CDH18: variants seen among roughly 807,000 people sequenced by gnomAD.
CDH18 encodes cadherin-18.
A neutral mutation model predicts 67.9 loss-of-function variants in CDH18; 31 were observed. The ratio of observed to expected loss-of-function variants is 0.46; its 90% CI spans 0.34 to 0.62. The LOEUF (loss-of-function observed/expected upper bound fraction) is 0.62. Among genes scored for constraint, CDH18 ranks in the 20% least tolerant of loss-of-function variants. The pLI, the probability that CDH18 is intolerant of heterozygous loss-of-function variation, is 0.01. For missense variants in CDH18, 890 were observed against 975.5 expected (o/e 0.91, Z 1.17); for synonymous variants, 362 against 347.2 (o/e 1.04, Z -0.48).
intron 2 of CDH18, among the ~76,000 whole-genome samples, chr5:20,248,349 C>T (rs1404097879): frequency 6.6e-6 from 1 of 152,200 alleles, no homozygotes; most frequent in Admixed American, 6.5e-5. Context: ...TAATCACATT[C>T]TTTCTCATAA....
intron 2 of CDH18, among the ~76,000 whole-genome samples, chr5:19,855,774 C>T (rs1371509187): frequency 6.6e-6 from 1 of 151,996 alleles, no homozygotes; most frequent in Non-Finnish European, 1.5e-5. Context: ...TTTAATGCCA[C>T]TAAAACAAAT....
At chr5:20,575,706 G>A (rs2126682431) in exon 1 of CDH18, 1 of 152,200 alleles carries the variant, frequency 6.6e-6, no homozygotes, top group East Asian at 1.9e-4. Context: ...AGCAGTCACA[G>A]TAGTGATGCT....
intron 5 of CDH18, among the ~76,000 whole-genome samples, chr5:19,702,776 C>T (rs1561090595): frequency 3.3e-5 from 5 of 152,036 alleles, no homozygotes; most frequent in Admixed American, 3.3e-4. Flanking sequence ...AACAAAATCT[C>T]TGCAGCACTG....
At chr5:19,570,155 C>T (rs940929241) in intron 8 of CDH18, among the ~76,000 whole-genome samples, 1 of 151,738 alleles carries the variant, frequency 6.6e-6, no homozygotes, top group African/African-American at 2.4e-5. Flanking sequence ...TGTTTGGGGT[C>T]AAAAGTATAA....
chr5:19,926,613 A>G (rs6880709), intron 2 of CDH18, among the ~76,000 whole-genome samples: 4,616 of 152,212 alleles, frequency 0.03, 238 homozygotes, highest in East Asian at 0.22. Context: ...CTTTCTAACT[A>G]AATAATGTAA....
At chr5:20,501,226 A>C (rs1249640434) in intron 1 of CDH18, among the ~76,000 whole-genome samples, 1 of 151,808 alleles carries the variant, frequency 6.6e-6, no homozygotes, top group Non-Finnish European at 1.5e-5. Flanking sequence ...TAAAATTATT[A>C]AATGTAAATA....
intron 1 of CDH18, among the ~76,000 whole-genome samples, chr5:20,295,644 T>C (rs1340618999): frequency 6.6e-6 from 1 of 151,652 alleles, no homozygotes; most frequent in Non-Finnish European, 1.5e-5. Flanking sequence ...GGAGAATCAC[T>C]TGAACCCAGG....
chr5:19,976,144 T>C (rs1383402316), intron 2 of CDH18, among the ~76,000 whole-genome samples: 5 of 152,184 alleles, frequency 3.3e-5, no homozygotes, highest in Admixed American at 3.3e-4. Flanking sequence ...ATTACCTGAG[T>C]GAGTGTTAAA....
At chr5:20,037,058 C>CTCT in intron 2 of CDH18, among the ~76,000 whole-genome samples, 1 of 152,096 alleles carries the variant, frequency 6.6e-6, no homozygotes, top group Middle Eastern at 3.4e-3. Context: ...TGGGTCTTGA[C>CTCT]TCTTTATCCA....
intron 2 of CDH18, among the ~76,000 whole-genome samples, chr5:20,172,210 A>G (rs1190126657): frequency 4.4e-5 from 3 of 67,470 alleles, no homozygotes; most frequent in African/African-American, 7.0e-5. Flanking sequence ...ATATATATAT[A>G]TATATATATA....
At chr5:20,079,466 A>T (rs1030552791) in intron 2 of CDH18, among the ~76,000 whole-genome samples, 3 of 152,104 alleles carry the variant, frequency 2.0e-5, no homozygotes, top group African/African-American at 7.2e-5. Context: ...ATATTGATGG[A>T]TACTTGGGTT....
At chr5:20,030,330 C>G (rs2150449842) in intron 2 of CDH18, among the ~76,000 whole-genome samples, 2 of 152,242 alleles carry the variant, frequency 1.3e-5, no homozygotes, top group Admixed American at 1.3e-4. Flanking sequence ...TAGCCTAAGG[C>G]TATGTTCATA....
At chr5:20,144,647 T>A (rs960852770) in intron 2 of CDH18, among the ~76,000 whole-genome samples, 8 of 152,088 alleles carry the variant, frequency 5.3e-5, no homozygotes, top group Non-Finnish European at 7.4e-5. Context: ...GTCTTGCATG[T>A]GAGAAGGGCA....
chr5:20,351,870 T>A (rs1741212496), intron 1 of CDH18, among the ~76,000 whole-genome samples: 1 of 152,132 alleles, frequency 6.6e-6, no homozygotes. Context: ...TATGTGGCAC[T>A]GCAAAAGTAT....
intron 2 of CDH18, among the ~76,000 whole-genome samples, chr5:20,153,914 A>G (rs962594932): frequency 1.2e-4 from 19 of 152,214 alleles, no homozygotes; most frequent in Non-Finnish European, 1.5e-5. Context: ...GGAGGAAACC[A>G]GTCCATAAAC....
chr5:20,016,698 G>A (rs927001323), intron 2 of CDH18, among the ~76,000 whole-genome samples: 1 of 152,104 alleles, frequency 6.6e-6, no homozygotes, highest in African/African-American at 2.4e-5. Context: ...GAACAATGCA[G>A]TATCTAACCT....
At chr5:19,909,175 A>C (rs1184030433) in intron 2 of CDH18, among the ~76,000 whole-genome samples, 3 of 152,206 alleles carry the variant, frequency 2.0e-5, no homozygotes, top group Non-Finnish European at 4.4e-5. Flanking sequence ...TGGTGAACTG[A>C]AATCCCAATT....
intron 2 of CDH18, among the ~76,000 whole-genome samples, chr5:20,241,851 CAAAA>C (rs1210062844): frequency 4.1e-4 from 52 of 127,006 alleles, no homozygotes; most frequent in African/African-American, 1.3e-3. Context: ...GACCCTGTCG[CAAAA>C]AAAAAAAAAA....
chr5:20,454,220 C>T (rs1366860654), intron 1 of CDH18, among the ~76,000 whole-genome samples: 2 of 152,130 alleles, frequency 1.3e-5, no homozygotes, highest in East Asian at 3.9e-4. Context: ...CTGGGCTTTT[C>T]ACTGCTTCCT....
Sources: gnomAD v4.1 joint callset for allele counts (sites outside exome capture counted in the v4.1 genomes callset) on GRCh38, gnomAD v4.1.1 for gene constraint, MANE v1.5 for transcripts, NCBI Gene and HGNC (gene_info 2026-07-23, HGNC 2026-07-21) for gene names.